Variants in UNC13C observed in about 807,000 individuals in gnomAD.
UNC13C encodes the protein unc-13 homolog C.
UNC13C carries 174 observed loss-of-function variants against 245.4 expected under a neutral mutation model. That is an observed-to-expected ratio of 0.71 (90% CI 0.63 to 0.80). The LOEUF is 0.80. Among genes scored for constraint, UNC13C ranks in the 30% least tolerant of loss-of-function variants. The pLI is 0.00. For synonymous variants in UNC13C, 992 were observed against 895.1 expected, an observed-to-expected ratio of 1.11 and a Z score of -1.93; for missense variants, 2,829 against 2,602.9, an observed-to-expected ratio of 1.09 and a Z score of -1.89.
rs549480975 is a variant in UNC13C, at chr15:54,300,076, T to C, written c.4105-134T>C. Reference sequence around the variant, plus strand: ...TGAGTTAGAATAAAAATTCAAGATATTCCTATTGCTTGCAGATGCTGATGA... The same window carrying C: ...TGAGTTAGAATAAAAATTCAAGATACTCCTATTGCTTGCAGATGCTGATGA... On this transcript the variant is annotated intron_variant, in intron 12 of 32. Coordinates refer to ENST00000260323, the MANE Select transcript of UNC13C (RefSeq NM_001080534.3). 6 of 768,392 alleles carry C rather than the reference T, an allele frequency of 7.8e-6. No individual in the cohort carries two copies. The East Asian group carries it at 1.1e-4, about 14-fold the overall frequency. The allele number at this position is 768,392 out of a possible 1,614,324, so 47.6% of individuals were successfully genotyped here.
chr15:54,304,643 G>T (rs1384531345), intron 13 of UNC13C, among the ~76,000 whole-genome samples: 1 of 128,866 alleles, frequency 7.8e-6, no homozygotes, highest in Non-Finnish European at 1.6e-5. Flanking sequence ...CTGTTCCTTT[G>T]AGATGTAACT....
intron 19 of UNC13C, among the ~76,000 whole-genome samples, chr15:54,485,060 C>A (rs946480367): frequency 1.3e-5 from 2 of 151,726 alleles, no homozygotes; most frequent in African/African-American, 4.8e-5. Flanking sequence ...ACAATCAGGG[C>A]CTTTTATTTT....
rs143926225 is a variant in UNC13C, at chr15:54,596,414, A to G, written c.6107-25913A>G. 2.6e-3 allele frequency among the ~76,000 whole-genome samples: 394 copies of G among 152,314 alleles called. 11 individuals carry two copies. The South Asian group carries it at 0.041, about 16-fold the overall frequency. On this transcript the variant is annotated intron_variant, in intron 30 of 32. Transcript: ENST00000260323. The stretch of plus-strand genomic sequence containing the variant: ...GATTTTCATCTAGGAATTGGAATAT[A>G]AAGAGTATAGCCATGATGCAAATTG...
At chr15:54,458,199 G>T (rs191444480) in intron 19 of UNC13C, among the ~76,000 whole-genome samples, 1 of 151,974 alleles carries the variant, frequency 6.6e-6, no homozygotes, top group Non-Finnish European at 1.5e-5. Context: ...TAGTTTAATA[G>T]TTCCCTTTGG....
At chr15:54,384,343 G>C (rs995678662) in intron 17 of UNC13C, among the ~76,000 whole-genome samples, 1 of 151,966 alleles carries the variant, frequency 6.6e-6, no homozygotes, top group African/African-American at 2.4e-5. Context: ...AGAGGACCCA[G>C]AGATAAATCC....
At chr15:54,450,075 C>A (rs1406799536) in intron 19 of UNC13C, among the ~76,000 whole-genome samples, 2 of 152,200 alleles carry the variant, frequency 1.3e-5, no homozygotes, top group East Asian at 1.9e-4. Context: ...GCAGTGGAGG[C>A]TGCAGAACAG....
At chr15:54,304,940 A>G (rs532413559) in intron 13 of UNC13C, among the ~76,000 whole-genome samples, 5 of 152,118 alleles carry the variant, frequency 3.3e-5, no homozygotes, top group African/African-American at 4.8e-5. Flanking sequence ...ACAAAAATAT[A>G]CGTGTACTCA....
chr15:54,408,224 A>AAAAAAAAC (rs2040346682), intron 18 of UNC13C, among the ~76,000 whole-genome samples: 1 of 148,520 alleles, frequency 6.7e-6, no homozygotes, highest in Non-Finnish European at 1.5e-5. Context: ...AAAAAAAAAA[A>AAAAAAAAC]AAAAACATGG....
intron 10 of UNC13C, among the ~76,000 whole-genome samples, chr15:54,288,267 T>C (rs2037200536): frequency 6.6e-6 from 1 of 152,152 alleles, no homozygotes; most frequent in Admixed American, 6.6e-5. Context: ...GAATTTCGTT[T>C]ATCAGTTTCC....
intron 21 of UNC13C, 136 bp from the exon 22 acceptor site, chr15:54,500,699 A>G: frequency 4.4e-6 from 3 of 682,060 alleles, no homozygotes; most frequent in East Asian, 2.8e-5. Flanking sequence ...ATGATTTTAA[A>G]GTGGGTAAGC....
In UNC13C at chr15:54,562,506, C is replaced by T. The variant is rs142848654; in HGVS notation, c.5959-5294C>T. On this transcript the variant is annotated intron_variant, in intron 29 of 32. Coordinates refer to ENST00000260323, the MANE Select transcript of UNC13C (RefSeq NM_001080534.3). ...ACAATGTTGTCCGCACATGGTCTTC[C>T]GGCCACCACTTAATAGCAGCCAGTG... Among the ~76,000 whole-genome samples, 158 of 152,042 alleles carry T rather than the reference C, an allele frequency of 1.0e-3. 1 individual carries two copies. Among genetic ancestry groups the T allele is most frequent in the African/African-American group, 3.7e-3 (153 of 41,504 alleles).
intron 7 of UNC13C, among the ~76,000 whole-genome samples, chr15:54,243,050 A>G (rs549151070): frequency 6.6e-6 from 1 of 152,200 alleles, no homozygotes; most frequent in Admixed American, 6.5e-5. Flanking sequence ...AATGTGTGCC[A>G]TGGTGGTTTG....
chr15:54,173,826 T>A (rs960033893), intron 4 of UNC13C, among the ~76,000 whole-genome samples: 1 of 152,154 alleles, frequency 6.6e-6, no homozygotes, highest in East Asian at 1.9e-4. Context: ...TTAGCATTCG[T>A]GAACTATGTT....
chr15:54,479,837 G>A (rs1486151205), intron 19 of UNC13C, among the ~76,000 whole-genome samples: 3 of 152,032 alleles, frequency 2.0e-5, no homozygotes, highest in African/African-American at 7.2e-5. Flanking sequence ...TGTAAGGCCT[G>A]TGTAGTGGTG....
intron 26 of UNC13C, among the ~76,000 whole-genome samples, chr15:54,543,584 T>C (rs540791381): frequency 6.6e-6 from 1 of 151,790 alleles, no homozygotes; most frequent in Non-Finnish European, 1.5e-5. Flanking sequence ...AAGAATCAAA[T>C]AGATACAATA....
chr15:54,595,234 A>C lies in UNC13C; in HGVS notation c.6107-27093A>C, dbSNP rs530854666. 3.3e-3 allele frequency among the ~76,000 whole-genome samples: 508 copies of C among 152,188 alleles called. 2 individuals carry two copies. Among genetic ancestry groups the C allele is most frequent in the African/African-American group, 0.012 (483 of 41,534 alleles). ...GTTATCTCCCTGAGCAACCTGTGGAATGCCGTTATGCTCTCGGGGCCTAAG... is the reference window on the plus strand; with the variant it reads ...GTTATCTCCCTGAGCAACCTGTGGACTGCCGTTATGCTCTCGGGGCCTAAG... On this transcript the variant is annotated intron_variant, in intron 30 of 32. Coordinates refer to ENST00000260323, the MANE Select transcript of UNC13C (RefSeq NM_001080534.3).
At chr15:54,441,168 G>A (rs1298084568) in intron 19 of UNC13C, among the ~76,000 whole-genome samples, 4 of 151,882 alleles carry the variant, frequency 2.6e-5, no homozygotes, top group African/African-American at 7.3e-5. Flanking sequence ...GATTAATATA[G>A]TCCCAGTCCC....
At chr15:54,037,378 C>G (rs1260000781) in intron 2 of UNC13C, among the ~76,000 whole-genome samples, 1 of 152,098 alleles carries the variant, frequency 6.6e-6, no homozygotes, top group Non-Finnish European at 1.5e-5. Flanking sequence ...TCCCTACCTT[C>G]TACAGCTGTA....
rs141450923 is a variant in UNC13C at position 54,214,698 on chromosome 15, TTAAAG to T, written c.3072-20328_3072-20324del. Among the ~76,000 whole-genome samples the T allele has an allele frequency of 6.6e-3, 1,010 of 152,096 alleles. 10 individuals carry two copies. Among genetic ancestry groups the T allele is most frequent in the African/African-American group, 0.023 (966 of 41,536 alleles). On this transcript the variant is annotated intron_variant, in intron 4 of 32. Transcript: ENST00000260323. ...GGAGATTTGATTCTACTTAATGACT[TTAAAG>T]TAAGCTATTAAGAAGTTGGTCTTTC...
Sources: allele counts gnomAD v4.1 joint callset (sites outside exome capture counted in the v4.1 genomes callset), GRCh38; gene constraint gnomAD v4.1.1; transcripts MANE v1.5; gene names NCBI Gene and HGNC (gene_info 2026-07-23, HGNC 2026-07-21).